Variants in SYT2 observed in about 807,000 individuals in gnomAD.
SYT2 encodes synaptotagmin-2.
SYT2 carries 15 observed loss-of-function variants against 39.9 expected under a neutral mutation model. That is an observed-to-expected ratio of 0.38 (90% CI 0.25 to 0.58). The LOEUF is 0.58. Ranked by LOEUF, SYT2 falls within the 20% of genes least tolerant of loss-of-function variation. The pLI is 0.70. For synonymous variants in SYT2, 181 were observed against 204.5 expected (o/e 0.89, Z 0.98); for missense variants, 389 against 530.3 (o/e 0.73, Z 2.62).
At chr1:202,650,073 T>C (rs1179289260) in intron 1 of SYT2, among the ~76,000 whole-genome samples, 1 of 152,228 alleles carries the variant, frequency 6.6e-6, no homozygotes, top group African/African-American at 2.4e-5. Context: ...ATGTAGGCCA[T>C]CTAAGAACAG....
intron 8 of SYT2, among the ~76,000 whole-genome samples, chr1:202,597,374 C>A (rs1166285931): frequency 6.6e-6 from 1 of 151,946 alleles, no homozygotes; most frequent in Admixed American, 6.6e-5. Flanking sequence ...GTCCTGGGGC[C>A]AATCAGAAAA....
At chr1:202,699,032 T>TTTC in intron 1 of SYT2, among the ~76,000 whole-genome samples, 1 of 149,466 alleles carries the variant, frequency 6.7e-6, no homozygotes, top group South Asian at 2.2e-4. Flanking sequence ...TTTTTTTTTT[T>TTTC]TGAGACACAG....
At chr1:202,622,333 T>G (rs1438690030) in intron 1 of SYT2, among the ~76,000 whole-genome samples, 1 of 152,228 alleles carries the variant, frequency 6.6e-6, no homozygotes, top group African/African-American at 2.4e-5. Flanking sequence ...GAGTTCCTTG[T>G]GTACCGAGGC....
chr1:202,652,745 C>T (rs985898238), intron 1 of SYT2, among the ~76,000 whole-genome samples: 1 of 152,222 alleles, frequency 6.6e-6, no homozygotes, highest in Admixed American at 6.5e-5. Flanking sequence ...GGTGGAAAGA[C>T]CCTGGCTTCA....
At chr1:202,704,856 C>T (rs1283265599) in intron 1 of SYT2, among the ~76,000 whole-genome samples, 1 of 152,220 alleles carries the variant, frequency 6.6e-6, no homozygotes, top group Admixed American at 6.5e-5. Flanking sequence ...TGGGGCCTCC[C>T]TCCTTGCTTC....
chr1:202,645,459 A>T (rs1692061133), intron 1 of SYT2, among the ~76,000 whole-genome samples: 1 of 152,118 alleles, frequency 6.6e-6, no homozygotes, highest in Non-Finnish European at 1.5e-5. Context: ...GGGTTTCCTG[A>T]TGCTAAGGGT....
At position 202,647,570 on chromosome 1, in the gene SYT2, C is replaced by T. The variant is rs114630930; in HGVS notation, c.-17-41781G>A. Reference sequence around the variant, plus strand: ...CCTTGCTGGAAACCTCACCCCTGCCCCCAGGCCCTAGCTGAATGAGGAGTG... The same window carrying T: ...CCTTGCTGGAAACCTCACCCCTGCCTCCAGGCCCTAGCTGAATGAGGAGTG... On this transcript the variant is annotated intron_variant, in intron 1 of 8. Transcript: ENST00000367268. Among the ~76,000 whole-genome samples, 761 of 152,252 alleles carry T rather than the reference C, an allele frequency of 5.0e-3. 8 individuals are homozygous for T. The highest frequency in any genetic ancestry group is 0.017 in the African/African-American group (726 of 41,538).
intron 1 of SYT2, among the ~76,000 whole-genome samples, chr1:202,622,419 G>C (rs1691226804): frequency 6.6e-6 from 1 of 152,214 alleles, no homozygotes; most frequent in South Asian, 2.1e-4. Flanking sequence ...CGTAGAAGCA[G>C]AGTCTGTTCT....
chr1:202,707,716 C>A (rs751320442), intron 1 of SYT2, among the ~76,000 whole-genome samples: 1 of 152,198 alleles, frequency 6.6e-6, no homozygotes, highest in Admixed American at 6.5e-5. Context: ...CCTGAGAGGG[C>A]GGCACAGGCC....
At chr1:202,666,442 T>C (rs1692483388) in intron 1 of SYT2, among the ~76,000 whole-genome samples, 1 of 152,142 alleles carries the variant, frequency 6.6e-6, no homozygotes, top group African/African-American at 2.4e-5. Flanking sequence ...TTTTGCATCT[T>C]CTTTAGGCCC....
intron 1 of SYT2, among the ~76,000 whole-genome samples, chr1:202,658,263 G>T (rs2149104730): frequency 6.6e-6 from 1 of 152,312 alleles, no homozygotes; most frequent in South Asian, 2.1e-4. Flanking sequence ...ATCTGCACTG[G>T]ATGGTGCCAG....
chr1:202,672,863 T>G (rs1269245996), intron 1 of SYT2, among the ~76,000 whole-genome samples: 2 of 145,258 alleles, frequency 1.4e-5, no homozygotes, highest in East Asian at 4.1e-4. Flanking sequence ...AATCCACAGA[T>G]TCAAGAAACC....
chr1:202,630,371 C>T (rs1691549679), intron 1 of SYT2: 3 of 985,270 alleles, frequency 3.0e-6, no homozygotes, highest in Non-Finnish European at 1.2e-6. Flanking sequence ...TGCATCCCAT[C>T]GCCAACCGGC....
intron 1 of SYT2, among the ~76,000 whole-genome samples, chr1:202,700,154 G>C (rs1654076699): frequency 6.6e-6 from 1 of 152,122 alleles, no homozygotes; most frequent in Non-Finnish European, 1.5e-5. Flanking sequence ...CAGCCCTGGA[G>C]GGAGCCTCAT....
At position 202,705,709 on chromosome 1, in the gene SYT2, G is replaced by T. The variant is rs186110433; in HGVS notation, c.-18+4549C>A. Among the ~76,000 whole-genome samples, 3 of 147,794 alleles carry T rather than the reference G, an allele frequency of 2.0e-5. No homozygotes were observed. In the East Asian group the frequency reaches 6.0e-4, roughly 30 times the overall value. ...TCTACAATATCTACTGCTCATCTTGGATTTTGGGAGTCCTTTTTTTTTTTT... is the reference window on the plus strand; with the variant it reads ...TCTACAATATCTACTGCTCATCTTGTATTTTGGGAGTCCTTTTTTTTTTTT... On this transcript the variant is annotated intron_variant, in intron 1 of 8. Transcript: ENST00000367268.
At chr1:202,666,023 G>A (rs1260758004) in intron 1 of SYT2, among the ~76,000 whole-genome samples, 1 of 151,840 alleles carries the variant, frequency 6.6e-6, no homozygotes, top group Non-Finnish European at 1.5e-5. Context: ...CGTGGTGGCG[G>A]GCGCCTGTAG....
intron 1 of SYT2, among the ~76,000 whole-genome samples, chr1:202,702,738 G>A (rs1020309639): frequency 2.0e-5 from 3 of 152,180 alleles, no homozygotes; most frequent in African/African-American, 4.8e-5. Context: ...CCGTCACTTG[G>A]TCCATCTGAG....
chr1:202,644,625 A>G (rs10920435), intron 1 of SYT2, among the ~76,000 whole-genome samples: 19,178 of 150,824 alleles, frequency 0.13, 1,699 homozygotes, highest in East Asian at 0.32. Context: ...TTTGCCTTCC[A>G]CTCTGCACAC....
chr1:202,677,361 C>G (rs934991066), intron 1 of SYT2, among the ~76,000 whole-genome samples: 4 of 152,128 alleles, frequency 2.6e-5, no homozygotes, highest in African/African-American at 9.7e-5. Context: ...GCAGAAGTGA[C>G]GCTACATGAC....
Sources: allele counts gnomAD v4.1 joint callset (sites outside exome capture counted in the v4.1 genomes callset), GRCh38; gene constraint gnomAD v4.1.1; transcripts MANE v1.5; gene names NCBI Gene and HGNC (gene_info 2026-07-23, HGNC 2026-07-21).